Variants in PID1 observed in about 807,000 individuals in gnomAD.
PID1 encodes the protein phosphotyrosine interaction domain containing 1, also known as PTB-containing, cubilin and LRP1-interacting protein.
In PID1, 10 loss-of-function variants were observed where a neutral mutation model predicts 19.1. The observed-to-expected ratio is 0.52, with a 90% CI of 0.32 to 0.89. The LOEUF (loss-of-function observed/expected upper bound fraction) is 0.89. Among genes scored for constraint, PID1 ranks in the 40% least tolerant of loss-of-function variants. The pLI is 0.03. For missense variants in PID1, 248 were observed against 285.3 expected, an observed-to-expected ratio of 0.87 and a Z score of 0.94; for synonymous variants, 130 against 116.0, an observed-to-expected ratio of 1.12 and a Z score of -0.78.
chr2:229,208,396 A>G (rs1391337498), intron 1 of PID1, among the ~76,000 whole-genome samples: 1 of 152,244 alleles, frequency 6.6e-6, no homozygotes, highest in African/African-American at 2.4e-5. Flanking sequence ...AATCCAAGTA[A>G]CAATTGTCTC....
chr2:229,060,591 A>C (rs1559215069), intron 2 of PID1, among the ~76,000 whole-genome samples: 1 of 152,038 alleles, frequency 6.6e-6, no homozygotes, highest in African/African-American at 2.4e-5. Flanking sequence ...GAGATCACAG[A>C]TCTCTTTCGC....
chr2:229,167,073 C>T (rs562307232), intron 1 of PID1, among the ~76,000 whole-genome samples: 88 of 150,568 alleles, frequency 5.8e-4, no homozygotes, highest in Middle Eastern at 3.4e-3. Flanking sequence ...AAAGAAGAAA[C>T]GAAAGAAGGG....
intron 2 of PID1, among the ~76,000 whole-genome samples, chr2:229,086,910 T>TACACACACACACACAC (rs3083831): frequency 5.9e-4 from 88 of 150,154 alleles, no homozygotes; most frequent in East Asian, 4.6e-3. Flanking sequence ...CACACGTGTG[T>TACACACACACACACAC]ACACACACAC....
At chr2:229,115,271 C>T (rs544153508) in intron 2 of PID1, among the ~76,000 whole-genome samples, 2 of 151,914 alleles carry the variant, frequency 1.3e-5, no homozygotes, top group South Asian at 4.2e-4. Flanking sequence ...CTTTGGGAGG[C>T]CATGGCAGGA....
At chr2:229,205,278 C>T (rs1691586458) in intron 1 of PID1, among the ~76,000 whole-genome samples, 1 of 151,870 alleles carries the variant, frequency 6.6e-6, no homozygotes, top group Admixed American at 6.6e-5. Context: ...CACAAACACA[C>T]ACATACTATA....
intron 2 of PID1, among the ~76,000 whole-genome samples, chr2:229,076,626 G>A (rs917806527): frequency 1.3e-5 from 2 of 151,834 alleles, no homozygotes; most frequent in Non-Finnish European, 2.9e-5. Context: ...TCCCACTTAT[G>A]AGTGAGAACA....
At chr2:229,070,913 T>C (rs1456927220) in intron 2 of PID1, among the ~76,000 whole-genome samples, 1 of 152,194 alleles carries the variant, frequency 6.6e-6, no homozygotes, top group Non-Finnish European at 1.5e-5. Flanking sequence ...TGGTGTCAAA[T>C]TCTTCATTAC....
intron 1 of PID1, among the ~76,000 whole-genome samples, chr2:229,252,007 G>T (rs1256912342): frequency 6.9e-6 from 1 of 145,816 alleles, no homozygotes; most frequent in Non-Finnish European, 1.5e-5. Context: ...CACAAAGAAT[G>T]CAATGGCTTT....
chr2:229,097,776 T>G (rs1246380553), intron 2 of PID1, among the ~76,000 whole-genome samples: 1 of 152,114 alleles, frequency 6.6e-6, no homozygotes, highest in Non-Finnish European at 1.5e-5. Flanking sequence ...TTCCTCCTAT[T>G]TTTCCCAAAA....
chr2:229,219,827 C>T (rs993446811), intron 1 of PID1, among the ~76,000 whole-genome samples: 2 of 148,448 alleles, frequency 1.3e-5, no homozygotes, highest in Admixed American at 7.0e-5. Flanking sequence ...GGCCAAGCCC[C>T]TTTTATTTTT....
intron 2 of PID1, among the ~76,000 whole-genome samples, chr2:229,111,984 T>C (rs1489558116): frequency 2.6e-5 from 4 of 152,214 alleles, no homozygotes; most frequent in Admixed American, 2.6e-4. Context: ...TGAATTGCTG[T>C]GATTGAGGGA....
Position 229,211,231 on chromosome 2 carries a change from A to G in PID1, c.31-55267T>C, listed in dbSNP as rs918822855. Among the ~76,000 whole-genome samples the G allele has an allele frequency of 4.6e-5, 7 of 152,248 alleles. No individual in the cohort carries two copies. The South Asian group carries it at 1.5e-3, about 32-fold the overall frequency. ...AGTGGAGCAAAGGAGCATTTACTTG[A>G]TTCAAAATTACAGTTAACACCTATT... On this transcript the variant is annotated intron_variant, in intron 1 of 2. Transcript: ENST00000392055.
chr2:229,051,650 A>G (rs1208594434), intron 2 of PID1, among the ~76,000 whole-genome samples: 2 of 152,178 alleles, frequency 1.3e-5, no homozygotes, highest in African/African-American at 4.8e-5. Context: ...TTTTAAAGCT[A>G]ACAGTCCATT....
intron 1 of PID1, among the ~76,000 whole-genome samples, chr2:229,166,933 AT>A (rs781471203): frequency 5.9e-5 from 9 of 151,730 alleles, no homozygotes; most frequent in South Asian, 2.1e-4. Context: ...ACTAAAAAAA[AT>A]ATCAATGAAC....
chr2:229,107,588 A>G (rs1411318897), intron 2 of PID1, among the ~76,000 whole-genome samples: 1 of 152,086 alleles, frequency 6.6e-6, no homozygotes, highest in Non-Finnish European at 1.5e-5. Context: ...CCTAGACTAC[A>G]AAAAGGTCCT....
In PID1 at chr2:229,113,596, ATGTGTGTG is replaced by A. The variant is rs3083856; in HGVS notation, c.177+42214_177+42221del. On this transcript the variant is annotated intron_variant, in intron 2 of 2. Coordinates refer to ENST00000392055, the MANE Select transcript of PID1 (RefSeq NM_001100818.2). Reference sequence around the variant, plus strand: ...TATGTGTGTATGTGTGTATGCATATATGTGTGTGTGTGTGTGTGTGTGTGTGTATACAT... The same window carrying A: ...TATGTGTGTATGTGTGTATGCATATATGTGTGTGTGTGTGTGTGTATACAT... 1.8e-3 allele frequency among the ~76,000 whole-genome samples: 251 copies of A among 142,038 alleles called. 2 individuals are homozygous for A. Among genetic ancestry groups the A allele is most frequent in the African/African-American group, 6.4e-3 (244 of 38,290 alleles). The allele number at this position is 142,038 out of a possible 152,430, so 93.2% of individuals were successfully genotyped here. A position where few individuals can be genotyped will look rare whatever the true frequency, so the allele number is the denominator to read the frequency against.
intron 2 of PID1, among the ~76,000 whole-genome samples, chr2:229,128,800 T>C (rs1689645180): frequency 6.6e-6 from 1 of 151,972 alleles, no homozygotes; most frequent in African/African-American, 2.4e-5. Flanking sequence ...GGTAAAAAAA[T>C]AGAAAGAGTA....
intron 1 of PID1, chr2:229,262,682 C>G (rs1035979157): frequency 4.5e-6 from 7 of 1,550,990 alleles, no homozygotes; most frequent in Non-Finnish European, 5.2e-6. Context: ...TAATCTCTCA[C>G]CATTTCGGAG....
At chr2:229,069,039 T>G in intron 2 of PID1, among the ~76,000 whole-genome samples, 1 of 152,126 alleles carries the variant, frequency 6.6e-6, no homozygotes, top group Non-Finnish European at 1.5e-5. Context: ...TTTCTTTTCC[T>G]AACCATCTCT....
Sources: allele counts gnomAD v4.1 joint callset (sites outside exome capture counted in the v4.1 genomes callset), GRCh38; gene constraint gnomAD v4.1.1; transcripts MANE v1.5; gene names NCBI Gene and HGNC (gene_info 2026-07-23, HGNC 2026-07-21).